The following ABL1 variants were observed in gnomAD, a reference collection of about 807,000 sequenced individuals.
ABL1 encodes the protein ABL proto-oncogene 1, non-receptor tyrosine kinase.
ABL1 carries 11 observed loss-of-function variants against 94.7 expected under a neutral mutation model. The ratio of observed to expected loss-of-function variants is 0.12; its 90% CI spans 0.07 to 0.19. ABL1 has a LOEUF of 0.19. Ranked by LOEUF, ABL1 falls within the 10% of genes least tolerant of loss-of-function variation. ABL1 has a pLI of 1.00. For missense variants in ABL1, 1,082 were observed against 1,489.4 expected, an observed-to-expected ratio of 0.73 and a Z score of 4.50; for synonymous variants, 656 against 622.4, an observed-to-expected ratio of 1.05 and a Z score of -0.80.
exon 1 of ABL1, among the ~76,000 whole-genome samples, chr9:130,713,191 G>A (rs551815917): frequency 1.4e-4 from 21 of 152,288 alleles, no homozygotes; most frequent in African/African-American, 4.6e-4. Flanking sequence ...CGGAGCTCGG[G>A]AGATGTGACT....
intron 1 of ABL1, among the ~76,000 whole-genome samples, chr9:130,792,888 C>T (rs1829927000): frequency 6.6e-6 from 1 of 152,194 alleles, no homozygotes. Flanking sequence ...ACCATCTTGC[C>T]TCTACAAACT....
At chr9:130,883,511 C>CCA (rs532332347) in intron 10 of ABL1, among the ~76,000 whole-genome samples, 276 of 146,126 alleles carry the variant, frequency 1.9e-3, no homozygotes, top group South Asian at 6.3e-3. Context: ...AAAAAAAAAA[C>CCA]CACACACACG....
At chr9:130,816,082 C>T (rs1564298752) in intron 1 of ABL1, among the ~76,000 whole-genome samples, 1 of 152,060 alleles carries the variant, frequency 6.6e-6, no homozygotes, top group East Asian at 1.9e-4. Flanking sequence ...GAGGCTTCAC[C>T]CCGTCTCCCC....
upstream of ABL1, chr9:130,834,109 G>A (rs573212626): frequency 2.2e-6 from 1 of 455,682 alleles, no homozygotes; most frequent in South Asian, 1.5e-5. Flanking sequence ...GCATCTGTGG[G>A]GTTTGTTTGT....
At chr9:130,815,177 T>G (rs1040401270) in intron 1 of ABL1, among the ~76,000 whole-genome samples, 19 of 151,116 alleles carry the variant, frequency 1.3e-4, no homozygotes, top group Non-Finnish European at 2.5e-4. Flanking sequence ...CTACTAAAAG[T>G]ACAAAAATTA....
chr9:130,729,704 A>G (rs1459400696), intron 1 of ABL1, among the ~76,000 whole-genome samples: 2 of 151,806 alleles, frequency 1.3e-5, no homozygotes, highest in African/African-American at 2.4e-5. Flanking sequence ...CTTTTACTGC[A>G]TTATGGACAG....
chr9:130,751,409 C>T (rs1448585485), intron 1 of ABL1, among the ~76,000 whole-genome samples: 1 of 152,018 alleles, frequency 6.6e-6, no homozygotes, highest in Non-Finnish European at 1.5e-5. Context: ...TCCCAAAGTG[C>T]TGGGATTACA....
At chr9:130,857,148 G>T (rs1051640725) in intron 3 of ABL1, among the ~76,000 whole-genome samples, 1 of 152,138 alleles carries the variant, frequency 6.6e-6, no homozygotes, top group African/African-American at 2.4e-5. Flanking sequence ...AGACTGACTA[G>T]TGGCCCATGG....
chr9:130,836,522 G>A (rs1237054114), intron 1 of ABL1, among the ~76,000 whole-genome samples: 1 of 152,042 alleles, frequency 6.6e-6, no homozygotes, highest in Non-Finnish European at 1.5e-5. Context: ...TTTCAACTAA[G>A]AATATAAGAG....
At chr9:130,745,807 A>G (rs888635717) in intron 1 of ABL1, among the ~76,000 whole-genome samples, 7 of 152,102 alleles carry the variant, frequency 4.6e-5, no homozygotes, top group African/African-American at 1.2e-4. Flanking sequence ...CTAAAATTCT[A>G]CTTTCAGAAG....
chr9:130,741,619 C>G (rs567213559), intron 1 of ABL1, among the ~76,000 whole-genome samples: 1 of 152,026 alleles, frequency 6.6e-6, no homozygotes, highest in Non-Finnish European at 1.5e-5. Flanking sequence ...GTTACCATGC[C>G]GGAGTAACAG....
rs1831439976 is a variant in ABL1, at chr9:130,880,846, C to T, written c.1678+182C>T. On this transcript the variant is annotated intron_variant, in intron 10 of 10. Coordinates refer to ENST00000318560, the MANE Select transcript of ABL1 (RefSeq NM_005157.6). The surrounding 1 kb of genome is among the most constrained non-coding windows in gnomAD (Gnocchi z 4.4). ...CTCCTCTCCCCACCTGCCTCCTATCCCCTCCCTCTGAGAGTCCCCGAGGAG... is the reference window on the plus strand; with the variant it reads ...CTCCTCTCCCCACCTGCCTCCTATCTCCTCCCTCTGAGAGTCCCCGAGGAG... Among the ~76,000 whole-genome samples, 1 of 152,220 alleles carries T rather than the reference C, an allele frequency of 6.6e-6. No individual in the cohort carries two copies. The highest frequency in any genetic ancestry group is 6.5e-5 in the Admixed American group (1 of 15,284).
chr9:130,875,234 C>T (rs1021831604), intron 7 of ABL1, among the ~76,000 whole-genome samples, 182 bp downstream of exon 7: 4 of 152,092 alleles, frequency 2.6e-5, no homozygotes, highest in African/African-American at 9.7e-5. Flanking sequence ...CTCTCCCTCC[C>T]GGGTTCAAGC....
intron 1 of ABL1, among the ~76,000 whole-genome samples, chr9:130,844,822 A>G (rs1207931432): frequency 6.6e-6 from 1 of 152,226 alleles, no homozygotes; most frequent in Non-Finnish European, 1.5e-5. Flanking sequence ...AAAAAAAGAA[A>G]TACCTAGTTT....
At chr9:130,733,431 TAAAA>T (rs565168104) in intron 1 of ABL1, among the ~76,000 whole-genome samples, 1 of 151,766 alleles carries the variant, frequency 6.6e-6, no homozygotes, top group African/African-American at 2.4e-5. Flanking sequence ...TGTGTAAAGT[TAAAA>T]AAAAATTTTT....
intron 1 of ABL1, among the ~76,000 whole-genome samples, chr9:130,807,734 G>C (rs1588246384): frequency 8.8e-6 from 1 of 113,200 alleles, no homozygotes; most frequent in African/African-American, 3.5e-5. Context: ...GTCTCACTCT[G>C]TCACCCAGGC....
chr9:130,784,356 T>G (rs1164657162), intron 1 of ABL1, among the ~76,000 whole-genome samples: 1 of 152,196 alleles, frequency 6.6e-6, no homozygotes, highest in Non-Finnish European at 1.5e-5. Context: ...TACTTAGCTG[T>G]GCAGAGAAAT....
chr9:130,808,652 A>G (rs1187274517), intron 1 of ABL1, among the ~76,000 whole-genome samples: 1 of 152,208 alleles, frequency 6.6e-6, no homozygotes, highest in Admixed American at 6.5e-5. Context: ...AAAATAAGAC[A>G]GTTTCACCTT....
chr9:130,825,474 GCTTTT>G lies in ABL1; in HGVS notation c.137-28584_137-28580del, dbSNP rs35898791. Among the ~76,000 whole-genome samples, 476 of 152,284 alleles carry G rather than the reference GCTTTT, an allele frequency of 3.1e-3. 8 individuals carry two copies. Among genetic ancestry groups the G allele is most frequent in the East Asian group, 0.021 (109 of 5,190 alleles). The stretch of plus-strand genomic sequence containing the variant: ...GAGCTTGTCAATAACCAGGGCTTGG[GCTTTT>G]CTTTTATCAGTTCCTCCTACTTGGC... On this transcript the variant is annotated intron_variant, in intron 1 of 10. Transcript: ENST00000372348.
Sources: allele counts gnomAD v4.1 joint callset (sites outside exome capture counted in the v4.1 genomes callset), GRCh38; gene constraint gnomAD v4.1.1; non-coding constraint Gnocchi (gnomAD v3.1); transcripts MANE v1.5; gene names NCBI Gene and HGNC (gene_info 2026-07-23, HGNC 2026-07-21).